PCDH15: variants seen among roughly 807,000 people sequenced by gnomAD.
The protein encoded by PCDH15 is protocadherin-15.
In PCDH15, 129 loss-of-function variants were observed where a neutral mutation model predicts 178.5. That is an observed-to-expected ratio of 0.72 (90% CI 0.63 to 0.84). The LOEUF is 0.84. Ranked by LOEUF, PCDH15 falls within the 40% of genes least tolerant of loss-of-function variation. The pLI is 0.00. For missense variants in PCDH15, 2,230 were observed against 2,099.9 expected (o/e 1.06, Z -1.21); for synonymous variants, 800 against 732.0 (o/e 1.09, Z -1.50).
chr10:54,044,161 G>A (rs917544016), intron 18 of PCDH15, among the ~76,000 whole-genome samples: 11 of 152,066 alleles, frequency 7.2e-5, no homozygotes, highest in Admixed American at 7.2e-4. Context: ...ATCTTACCAA[G>A]AGTTTAGTGG....
intron 2 of PCDH15, among the ~76,000 whole-genome samples, chr10:55,575,042 T>A (rs577325431): frequency 6.6e-6 from 1 of 152,092 alleles, no homozygotes; most frequent in African/African-American, 2.4e-5. Flanking sequence ...TCAGAGCTTT[T>A]ACTCACAAAA....
chr10:54,202,568 T>C (rs904478295), intron 10 of PCDH15, among the ~76,000 whole-genome samples: 8 of 151,968 alleles, frequency 5.3e-5, no homozygotes, highest in African/African-American at 1.9e-4. Flanking sequence ...ATCCTAACAC[T>C]TTGGGAGGCT....
intron 2 of PCDH15, among the ~76,000 whole-genome samples, chr10:54,915,736 C>A (rs890963016): frequency 1.3e-5 from 2 of 152,258 alleles, no homozygotes; most frequent in Non-Finnish European, 2.9e-5. Flanking sequence ...CTGAAGTTTT[C>A]TGTATTAAGA....
intron 2 of PCDH15, among the ~76,000 whole-genome samples, chr10:55,362,368 C>A (rs1316350132): frequency 2.6e-5 from 4 of 152,062 alleles, no homozygotes; most frequent in Non-Finnish European, 5.9e-5. Flanking sequence ...CAGTGCTAAG[C>A]TCTGGAAAAA....
At chr10:54,655,378 TAA>T (rs1388526341) in intron 2 of PCDH15, among the ~76,000 whole-genome samples, 1 of 150,828 alleles carries the variant, frequency 6.6e-6, no homozygotes, top group African/African-American at 2.4e-5. Flanking sequence ...TGGGATATTG[TAA>T]GTTACCTCAG....
In PCDH15 at chr10:55,017,433, T is replaced by G. The variant is rs113246133; in HGVS notation, c.-79-119933A>C. Among the ~76,000 whole-genome samples the G allele has an allele frequency of 5.6e-3, 855 of 152,272 alleles. 9 individuals carry two copies. Among genetic ancestry groups the G allele is most frequent in the African/African-American group, 0.019 (803 of 41,570 alleles). The stretch of plus-strand genomic sequence containing the variant: ...CCATCTATATATGTTGAGCAACTTT[T>G]TCCTGTTTTATGAATGCACTTAAGT... On this transcript the variant is annotated intron_variant, in intron 2 of 5. Coordinates refer to the PCDH15 transcript ENST00000458638.
chr10:54,561,980 CTTTT>C (rs575547228), intron 2 of PCDH15, among the ~76,000 whole-genome samples: 5 of 75,236 alleles, frequency 6.6e-5, no homozygotes, highest in Admixed American at 1.6e-4. Context: ...CCGCACCCAG[CTTTT>C]TTTTTTTTTT....
chr10:53,945,757 G>C (rs993562487), intron 23 of PCDH15, among the ~76,000 whole-genome samples: 2 of 148,796 alleles, frequency 1.3e-5, no homozygotes, highest in African/African-American at 5.0e-5. Flanking sequence ...AGACAAAATA[G>C]AATACTAAAG....
intron 3 of PCDH15, among the ~76,000 whole-genome samples, chr10:54,427,078 C>T (rs1044802751): frequency 6.6e-6 from 1 of 151,258 alleles, no homozygotes; most frequent in African/African-American, 2.4e-5. Flanking sequence ...TATCAAATTA[C>T]CATTTTTGTG....
intron 2 of PCDH15, among the ~76,000 whole-genome samples, chr10:54,981,979 A>G (rs1030334977): frequency 1.2e-4 from 18 of 150,968 alleles, no homozygotes; most frequent in African/African-American, 4.4e-4. Flanking sequence ...TTTGTTGATT[A>G]GGCTCTTCTC....
At chr10:54,794,852 A>G (rs1329356878) in intron 1 of PCDH15, among the ~76,000 whole-genome samples, 1 of 151,888 alleles carries the variant, frequency 6.6e-6, no homozygotes, top group Non-Finnish European at 1.5e-5. Flanking sequence ...TGCTTTTTTT[A>G]AAACATAGTC....
At chr10:54,060,602 C>T (rs945645133) in intron 18 of PCDH15, among the ~76,000 whole-genome samples, 6 of 152,104 alleles carry the variant, frequency 3.9e-5, no homozygotes, top group Admixed American at 6.6e-5. Context: ...CTCCATTTTG[C>T]GATAGCGAAA....
At position 53,906,185 on chromosome 10, in the gene PCDH15, TTG is replaced by T. The variant is rs370495330; in HGVS notation, c.3374-2817_3374-2816del. 1.1e-3 allele frequency among the ~76,000 whole-genome samples: 167 copies of T among 152,164 alleles called. 6 individuals are homozygous for T. The South Asian group carries it at 0.034, about 31-fold the overall frequency. ...TGTGAAAAAGGTGTTTTCATTAAGTTTGTGACTTAGATGTTAGAATAAAAAAA... is the reference window on the plus strand; with the variant it reads ...TGTGAAAAAGGTGTTTTCATTAAGTTTGACTTAGATGTTAGAATAAAAAAA... On this transcript the variant is annotated intron_variant, in intron 25 of 37. Transcript: ENST00000644397.
chr10:54,317,874 G>C (rs191465672), intron 7 of PCDH15, among the ~76,000 whole-genome samples: 1 of 152,180 alleles, frequency 6.6e-6, no homozygotes, highest in East Asian at 1.9e-4. Flanking sequence ...AGTTTTAAGT[G>C]GTTGAGTCAG....
At position 54,734,428 on chromosome 10, in the gene PCDH15, C is replaced by A. The variant is rs191258567; in HGVS notation, c.-29+66497G>T. On this transcript the variant is annotated intron_variant, in intron 1 of 37. Transcript: ENST00000644397. ...ACTAAATACCAGTGAGGAAGTAGAG[C>A]AATTGACACACTCATGCATTGCTGG... is the stretch of plus-strand genomic sequence containing the variant. 3.4e-3 allele frequency among the ~76,000 whole-genome samples: 512 copies of A among 151,916 alleles called. 4 individuals are homozygous for A. Among genetic ancestry groups the A allele is most frequent in the African/African-American group, 0.012 (499 of 41,500 alleles).
intron 2 of PCDH15, among the ~76,000 whole-genome samples, chr10:55,345,090 C>A (rs1424737650): frequency 6.6e-6 from 1 of 151,532 alleles, no homozygotes; most frequent in East Asian, 1.9e-4. Context: ...CTCTCTGTTT[C>A]TTTGTATTAA....
chr10:54,084,063 CTCTTT>C lies in PCDH15; in HGVS notation c.1998-4644_1998-4640del, dbSNP rs752508058. The stretch of plus-strand genomic sequence containing the variant: ...GCTAACACAGTGAAACACTGTCTCT[CTCTTT>C]TTTTTTAATGTGCACTTTTTTTTTT... On this transcript the variant is annotated intron_variant, in intron 16 of 37. Transcript: ENST00000644397. 6.3e-4 allele frequency among the ~76,000 whole-genome samples: 93 copies of C among 146,906 alleles called. 1 individual carries two copies. The highest frequency in any genetic ancestry group is 1.2e-3 in the Non-Finnish European group (79 of 67,118).
Position 54,231,582 on chromosome 10 carries a change from G to C in PCDH15, c.985+5241C>G, listed in dbSNP as rs1461718731. On this transcript the variant is annotated intron_variant, in intron 9 of 37. Coordinates refer to ENST00000644397, the MANE Select transcript of PCDH15 (RefSeq NM_001384140.1). ...CTATTCTCCAGACCCCAGAATGGTAGATCCACTGACAGCTTGCAATGTGCA... is the reference window on the plus strand; with the variant it reads ...CTATTCTCCAGACCCCAGAATGGTACATCCACTGACAGCTTGCAATGTGCA... Among the ~76,000 whole-genome samples, 7 of 152,192 alleles carry C rather than the reference G, an allele frequency of 4.6e-5. No homozygotes were observed. The East Asian group carries it at 1.4e-3, about 29-fold the overall frequency.
chr10:54,307,552 T>A (rs955544650), intron 8 of PCDH15, among the ~76,000 whole-genome samples: 2 of 151,908 alleles, frequency 1.3e-5, no homozygotes, highest in Admixed American at 6.6e-5. Flanking sequence ...CATTTAAAAT[T>A]TGATTCACTG....
Sources: allele counts gnomAD v4.1 joint callset (sites outside exome capture counted in the v4.1 genomes callset), GRCh38; gene constraint gnomAD v4.1.1; transcripts MANE v1.5; gene names NCBI Gene and HGNC (gene_info 2026-07-23, HGNC 2026-07-21).